The following RYR1 variants were observed in gnomAD, a reference collection of about 807,000 sequenced individuals.
The protein encoded by RYR1 is ryanodine receptor 1.
RYR1 carries 342 observed loss-of-function variants against 583.5 expected under a neutral mutation model. The ratio of observed to expected loss-of-function variants is 0.59; its 90% CI spans 0.54 to 0.64. The LOEUF (loss-of-function observed/expected upper bound fraction) is 0.64. Among genes scored for constraint, RYR1 ranks in the 30% least tolerant of loss-of-function variants. The probability of loss-of-function intolerance (pLI) is 0.00; values close to 1 mark genes in which losing one functional copy is unlikely to be tolerated. For synonymous variants in RYR1, 2,791 were observed against 2,822.5 expected (o/e 0.99, Z 0.35); for missense variants, 6,032 against 6,917.2 (o/e 0.87, Z 4.54).
chr19:38,502,816 C>CAGGGGGCGGGGG, intron 48 of RYR1, 64 bp from the exon 49 acceptor site: 1 of 1,309,940 alleles, frequency 7.6e-7, no homozygotes, highest in Non-Finnish European at 1.0e-6. Flanking sequence ...GGGGGAGGAG[C>CAGGGGGCGGGGG]AGGGGCAGGG....
At chr19:38,534,005 A>ATTTTT in intron 78 of RYR1, among the ~76,000 whole-genome samples, 1 of 127,436 alleles carries the variant, frequency 7.8e-6, no homozygotes, top group Non-Finnish European at 1.6e-5. Flanking sequence ...ACCATCTGTA[A>ATTTTT]TTTTTTTTTT....
intron 97 of RYR1, among the ~76,000 whole-genome samples, chr19:38,576,297 T>A (rs1007931588): frequency 1.3e-5 from 2 of 150,462 alleles, no homozygotes; most frequent in Admixed American, 1.3e-4. Context: ...CTACCAAAAA[T>A]ACAAAAAATT....
chr19:38,501,533 T>C (rs1243701765), intron 47 of RYR1, among the ~76,000 whole-genome samples: 1 of 152,192 alleles, frequency 6.6e-6, no homozygotes, highest in Non-Finnish European at 1.5e-5. Context: ...GGTTTGGTAC[T>C]GTGGGCACAC....
chr19:38,493,119 G>A (rs1004368076), intron 38 of RYR1, among the ~76,000 whole-genome samples: 3 of 151,984 alleles, frequency 2.0e-5, no homozygotes, highest in Admixed American at 2.0e-4. Context: ...CTCCAGAGAT[G>A]GGGGCTGTAG....
chr19:38,547,930 C>G (rs1972503394), intron 88 of RYR1, among the ~76,000 whole-genome samples: 1 of 152,150 alleles, frequency 6.6e-6, no homozygotes, highest in South Asian at 2.1e-4. Context: ...CCAGGCTGGT[C>G]TCAAACTCCT....
At chr19:38,472,397 T>G (rs56082081) in intron 27 of RYR1, among the ~76,000 whole-genome samples, 33,069 of 151,990 alleles carry the variant, frequency 0.22, 5,476 homozygotes, top group African/African-American at 0.46. Context: ...CACTGCGCCC[T>G]GTCGCTATTT....
intron 69 of RYR1, chr19:38,523,643 C>T (rs1018070426): frequency 9.8e-6 from 6 of 610,990 alleles, no homozygotes; most frequent in African/African-American, 7.4e-5. Flanking sequence ...TTCCCTCCTC[C>T]TCCTCCTCCC....
chr19:38,516,036 G>A, intron 64 of RYR1, 51 bp from the exon 65 acceptor site: 1 of 1,534,116 alleles, frequency 6.5e-7, no homozygotes. Flanking sequence ...CTGGGACCCA[G>A]GACCCCAAAG....
intron 24 of RYR1, 51 bp downstream of exon 24, chr19:38,466,449 C>A: frequency 6.6e-7 from 1 of 1,511,738 alleles, no homozygotes; most frequent in Non-Finnish European, 8.9e-7. Flanking sequence ...AACTCTGACC[C>A]CAGCCCCGAT....
In RYR1 at chr19:38,543,489, G is replaced by A. The variant is rs528723185; in HGVS notation, c.11779-43G>A. On this transcript the variant is annotated intron_variant, in intron 85 of 105. Transcript: ENST00000359596. This position sits in a 1 kb window ranked among gnomAD's most constrained non-coding sequence, Gnocchi z 4.4. ...CTTGGGTCGGGGGCTGCAGGGCCAT[G>A]GTCGGCCCCAGCACCCCCTCACACC... 17 of 1,614,048 alleles carry A rather than the reference G, an allele frequency of 1.1e-5. No homozygotes were observed. Among genetic ancestry groups the A allele is most frequent in the Admixed American group, 1.7e-5 (1 of 60,008 alleles).
In RYR1 at chr19:38,580,457, A is replaced by G; in HGVS notation, c.14599A>G (p.Ser4867Gly). The G allele has an allele frequency of 6.2e-7, 1 of 1,614,142 alleles. No homozygotes were observed. Among genetic ancestry groups the G allele is most frequent in the Non-Finnish European group, 8.5e-7 (1 of 1,180,024 alleles). Residue 4867 changes from serine to glycine, a missense_variant, in exon 101 of 106, where the codon AGC (serine) becomes GGC (glycine). Around this residue, in one of 11 missense-constraint regions of RYR1, gnomAD observed 189 missense variants for 350.3 expected, o/e 0.54. Transcript: ENST00000359596. ...CTTCTTCCGCAAGTTCTACAACAAG[A>G]GCGAGGATGAGGATGAACCTGACAT... The part of the protein sequence containing the change: ...FNFFRKFYNK[S>G]EDEDEPDMKC...
intron 20 of RYR1, among the ~76,000 whole-genome samples, chr19:38,461,017 C>T (rs950448644): frequency 6.6e-6 from 1 of 151,702 alleles, no homozygotes; most frequent in African/African-American, 2.4e-5. Flanking sequence ...CAAAAATTAG[C>T]ATGGTGGCAG....
chr19:38,495,485 A>G (rs1969775642), intron 39 of RYR1, among the ~76,000 whole-genome samples: 1 of 152,110 alleles, frequency 6.6e-6, no homozygotes, highest in African/African-American at 2.4e-5. Context: ...AGCTGGGACT[A>G]CAGACACACA....
intron 60 of RYR1, among the ~76,000 whole-genome samples, chr19:38,510,990 C>T (rs918780880): frequency 6.6e-6 from 1 of 152,160 alleles, no homozygotes; most frequent in Non-Finnish European, 1.5e-5. Context: ...AAATCGATCA[C>T]CCTGTCCAGG....
At chr19:38,529,961 T>C (rs1971657368) in intron 76 of RYR1, among the ~76,000 whole-genome samples, 1 of 152,210 alleles carries the variant, frequency 6.6e-6, no homozygotes, top group East Asian at 1.9e-4. Context: ...CAGGGATTTA[T>C]TTTTCATTTT....
At chr19:38,489,471 C>T (rs1349019734) in intron 35 of RYR1, 28 bp downstream of exon 35, 1 of 1,613,606 alleles carries the variant, frequency 6.2e-7, no homozygotes, top group Non-Finnish European at 8.5e-7. Context: ...GCTTTTCGGC[C>T]TCTGTCCATC....
Position 38,492,935 on chromosome 19 carries a change from C to T in RYR1, c.6274+299C>T, listed in dbSNP as rs7246905. On this transcript the variant is annotated intron_variant, in intron 38 of 105. Coordinates refer to ENST00000359596, the MANE Select transcript of RYR1 (RefSeq NM_000540.3). ...AAATACAAAAATTAGCTGGGTGTGG[C>T]GGTGCATGCCTGTAATCCCAGCTAC... 0.13 allele frequency among the ~76,000 whole-genome samples: 19,770 copies of T among 151,892 alleles called. 2,531 individuals carry two copies. The highest frequency in any genetic ancestry group is 0.33 in the African/African-American group (13,703 of 41,378).
At chr19:38,458,009 G>GC in intron 17 of RYR1, 42 bp from the exon 18 acceptor site, 1 of 1,607,384 alleles carries the variant, frequency 6.2e-7, no homozygotes, top group Non-Finnish European at 8.5e-7. Flanking sequence ...TCTCCTCTCT[G>GC]CCTCTCCGTC....
intron 89 of RYR1, among the ~76,000 whole-genome samples, chr19:38,553,441 TCAAGACCAGCCTGGACAATATAG>T (rs1020888852): frequency 6.6e-5 from 10 of 151,092 alleles, no homozygotes; most frequent in African/African-American, 2.4e-4. Context: ...GGCCAGGAGT[TCAAGACCAGCCTGGACAATATAG>T]CAAGACCCCA....
Sources: allele counts gnomAD v4.1 joint callset (sites outside exome capture counted in the v4.1 genomes callset), GRCh38; gene constraint gnomAD v4.1.1; regional missense constraint gnomAD v4.1.1; non-coding constraint Gnocchi (gnomAD v3.1); transcripts MANE v1.5; gene names NCBI Gene and HGNC (gene_info 2026-07-23, HGNC 2026-07-21).